Variants in CYP2E1 observed in about 807,000 individuals in gnomAD.
CYP2E1 encodes the protein cytochrome P450 family 2 subfamily E member 1, also known as cytochrome P450 2E1.
In CYP2E1, 31 loss-of-function variants were observed where a neutral mutation model predicts 42.9. The ratio of observed to expected loss-of-function variants is 0.72; its 90% CI spans 0.54 to 0.98. CYP2E1 has a LOEUF of 0.98. Ranked by LOEUF, CYP2E1 falls within the 50% of genes least tolerant of loss-of-function variation. The pLI is 0.00. For missense variants in CYP2E1, 565 were observed against 633.2 expected (o/e 0.89, Z 1.16); for synonymous variants, 244 against 248.9 (o/e 0.98, Z 0.19).
At chr10:133,535,827 G>A (rs1434145460) in intron 6 of CYP2E1, among the ~76,000 whole-genome samples, 1 of 152,160 alleles carries the variant, frequency 6.6e-6, no homozygotes, top group Non-Finnish European at 1.5e-5. Context: ...TTGCTGTGTG[G>A]CTTTGCACTT....
At chr10:133,532,049 C>T in intron 3 of CYP2E1, 75 bp from the exon 4 acceptor site, 4 of 1,422,864 alleles carry the variant, frequency 2.8e-6, no homozygotes, top group South Asian at 1.2e-5. Context: ...CTTGGTGAAC[C>T]TCAGTGGGTG....
Position 133,527,562 on chromosome 10 carries a change from C to A in CYP2E1, c.167C>A (p.Ser56Tyr). ...TTGGAATTGAAGAATATTCCCAAGTCCTTCACCCGGGTAAGAGAAATAGTG... is the reference window on the plus strand; with the variant it reads ...TTGGAATTGAAGAATATTCCCAAGTACTTCACCCGGGTAAGAGAAATAGTG... ...FQLELKNIPK[S>Y]FTRLAQRFGP... The change falls in exon 1 of 9, where the codon TCC becomes TAC. Residue 56 changes from serine to tyrosine, a missense_variant. Ser to Tyr is a moderately radical substitution (Grantham distance 144). Transcript: ENST00000252945. 1 of 1,610,294 alleles carries A rather than the reference C, an allele frequency of 6.2e-7. No individual in the cohort carries two copies. The highest frequency in any genetic ancestry group is 8.5e-7 in the Non-Finnish European group (1 of 1,177,528).
rs76388007 is a variant in CYP2E1, at chr10:133,535,911, A to C, written c.968-1152A>C. Among the ~76,000 whole-genome samples, 192 of 152,334 alleles carry C rather than the reference A, an allele frequency of 1.3e-3. 1 individual carries two copies. Among genetic ancestry groups the C allele is most frequent in the Middle Eastern group, 6.8e-3 (2 of 294 alleles). On this transcript the variant is annotated intron_variant, in intron 6 of 8. Transcript: ENST00000252945. Reference sequence around the variant, plus strand: ...GTTTAATATTTTACCTGGGTACTGTACATAACATTTTGCAGCTTGGTTTTT... The same window carrying C: ...GTTTAATATTTTACCTGGGTACTGTCCATAACATTTTGCAGCTTGGTTTTT...
chr10:133,537,131 G>A lies in CYP2E1; in HGVS notation c.1036G>A (p.Glu346Lys). 6.2e-7 allele frequency: 1 copy of A among 1,614,114 alleles called. No homozygotes were observed. The highest frequency in any genetic ancestry group is 8.5e-7 in the Non-Finnish European group (1 of 1,179,996). Residue 346 changes from glutamate to lysine, a missense_variant, in exon 7 of 9, where the codon GAG becomes AAG. Physicochemically the swap from Glu to Lys is moderately conservative, Grantham distance 56. Transcript: ENST00000252945. ...AATCCCTGCCATCAAGGATAGGCAA[G>A]AGATGCCCTACATGGATGCTGTGGT... ...SRIPAIKDRQ[E>K]MPYMDAVVHE...
At chr10:133,538,718 G>T (rs1851437367) in intron 8 of CYP2E1, 62 bp from the exon 9 acceptor site, 2 of 1,476,906 alleles carry the variant, frequency 1.4e-6, no homozygotes, top group African/African-American at 2.8e-5. Flanking sequence ...TAGTCTCACT[G>T]TTAACAGTGT....
In CYP2E1 at chr10:133,528,568, G is replaced by GCGCT. The variant is rs1381914749; in HGVS notation, c.266_269dup (p.Leu91AlafsTer28). On this transcript the variant is annotated frameshift_variant, in exon 2 of 9. Coordinates refer to ENST00000252945, the MANE Select transcript of CYP2E1 (RefSeq NM_000773.4). LOFTEE classifies it high-confidence loss of function. Reference sequence around the variant, plus strand: ...GCACGGCTACAAGGCGGTGAAGGAAGCGCTGCTGGACTACAAGGACGAGTT... The same window carrying GCGCT: ...GCACGGCTACAAGGCGGTGAAGGAAGCGCTCGCTGCTGGACTACAAGGACGAGTT... 6.2e-7 allele frequency: 1 copy of GCGCT among 1,613,554 alleles called. No homozygotes were observed. The highest frequency in any genetic ancestry group is 2.2e-5 in the East Asian group (1 of 44,844).
chr10:133,527,373 G>C lies in CYP2E1; in HGVS notation c.-23G>C. The C allele has an allele frequency of 6.3e-7, 1 of 1,584,894 alleles. No homozygotes were observed. The highest frequency in any genetic ancestry group is 1.1e-5 in the South Asian group (1 of 89,302). On this transcript the variant is annotated 5_prime_UTR_variant, in exon 1 of 9. Coordinates refer to ENST00000252945, the MANE Select transcript of CYP2E1 (RefSeq NM_000773.4). ...TTTCCACAGGATTGTCTCCCGGGCT[G>C]GCAGCAGGGCCCCAGCGGCACCATG...
At chr10:133,528,667 G>T in intron 2 of CYP2E1, 27 bp downstream of exon 2, 1 of 1,611,342 alleles carries the variant, frequency 6.2e-7, no homozygotes, top group Non-Finnish European at 8.5e-7. Flanking sequence ...GGCACGGAGC[G>T]GGGGGTGCAT....
intron 1 of CYP2E1, chr10:133,528,104 C>T: frequency 4.1e-6 from 1 of 242,362 alleles, no homozygotes. Context: ...GGGCGGGGGT[C>T]GCCTGCTCCA....
In CYP2E1 at chr10:133,528,660, A is replaced by T; in HGVS notation, c.337+20A>T. The T allele has an allele frequency of 6.2e-7, 1 of 1,612,382 alleles. No homozygotes were observed. The highest frequency in any genetic ancestry group is 8.5e-7 in the Non-Finnish European group (1 of 1,179,762). The stretch of plus-strand genomic sequence containing the variant: ...ACAGGGGTGAGTCCGCGTCCCTGGC[A>T]CGGAGCGGGGGGTGCATAACACGCC... On this transcript the variant is annotated intron_variant, in intron 2 of 8. Coordinates refer to ENST00000252945, the MANE Select transcript of CYP2E1 (RefSeq NM_000773.4).
At chr10:133,536,475 G>A in intron 6 of CYP2E1, among the ~76,000 whole-genome samples, 1 of 149,650 alleles carries the variant, frequency 6.7e-6, no homozygotes, top group Middle Eastern at 3.2e-3. Context: ...ATGGATGGAT[G>A]GGTCAATGGA....
chr10:133,534,220 C>T (rs1397550594), intron 6 of CYP2E1, among the ~76,000 whole-genome samples: 1 of 152,272 alleles, frequency 6.6e-6, no homozygotes, highest in African/African-American at 2.4e-5. Flanking sequence ...AAGATAATGT[C>T]CCAGTTCCCC....
At chr10:133,535,565 C>T (rs1851385697) in intron 6 of CYP2E1, among the ~76,000 whole-genome samples, 1 of 152,138 alleles carries the variant, frequency 6.6e-6, no homozygotes, top group South Asian at 2.1e-4. Flanking sequence ...TATAAGAGAA[C>T]TTTCGACTAC....
intron 2 of CYP2E1, among the ~76,000 whole-genome samples, chr10:133,531,024 G>C (rs1391006298): frequency 6.6e-6 from 1 of 152,196 alleles, no homozygotes; most frequent in Non-Finnish European, 1.5e-5. Context: ...GCTCAGAAGG[G>C]TGCAGTAGGG....
chr10:133,527,685 A>G, intron 1 of CYP2E1, 113 bp downstream of exon 1: 1 of 811,004 alleles, frequency 1.2e-6, no homozygotes. Flanking sequence ...GCCTGTTGTG[A>G]ATTACCTGAA....
intron 6 of CYP2E1, among the ~76,000 whole-genome samples, chr10:133,536,461 G>GTGGA (rs1243551841): frequency 4.1e-5 from 6 of 147,610 alleles, no homozygotes; most frequent in Admixed American, 1.4e-4. Context: ...GGATGGGTGG[G>GTGGA]TGGATGGATG....
rs1048442161 is a variant in CYP2E1, at chr10:133,527,635, T to C, written c.177+63T>C. The C allele has an allele frequency of 1.6e-5, 21 of 1,333,450 alleles. No individual in the cohort carries two copies. In the African/African-American group the frequency reaches 1.6e-4, roughly 10 times the overall value. 82.6% of individuals were successfully genotyped at this position (1,333,450 alleles called of 1,614,324 possible). ...AGCAATTGGATCTGGTATGTGTGTATTCAACTCATTTGCAGACAAATTGTG... is the reference window on the plus strand; with the variant it reads ...AGCAATTGGATCTGGTATGTGTGTACTCAACTCATTTGCAGACAAATTGTG... On this transcript the variant is annotated intron_variant, in intron 1 of 8. Transcript: ENST00000252945.
Position 133,532,739 on chromosome 10 carries a change from C to A in CYP2E1, c.696C>A (p.His232Gln). The A allele has an allele frequency of 1.2e-6, 2 of 1,612,336 alleles. No individual in the cohort carries two copies. Among genetic ancestry groups the A allele is most frequent in the African/African-American group, 2.7e-5 (2 of 74,926 alleles). ...PSFLHYLPGS[H>Q]RKVIKNVAEV... ...TTCTACACTACTTGCCTGGAAGCCACAGAAAAGTCATAAAAAATGTGGCTG... is the reference window on the plus strand; with the variant it reads ...TTCTACACTACTTGCCTGGAAGCCAAAGAAAAGTCATAAAAAATGTGGCTG... Residue 232 changes from histidine to glutamine, a missense_variant, in exon 5 of 9, where the codon CAC becomes CAA. By Grantham distance (24) the His-to-Gln change is conservative. Transcript: ENST00000252945.
At chr10:133,529,446 A>T (rs1851311369) in intron 2 of CYP2E1, among the ~76,000 whole-genome samples, 1 of 152,162 alleles carries the variant, frequency 6.6e-6, no homozygotes, top group South Asian at 2.1e-4. Flanking sequence ...TTCAAAGTAG[A>T]TTAGAAATAA....
Sources: allele counts gnomAD v4.1 joint callset (sites outside exome capture counted in the v4.1 genomes callset), GRCh38; gene constraint gnomAD v4.1.1; transcripts MANE v1.5; gene names NCBI Gene and HGNC (gene_info 2026-07-23, HGNC 2026-07-21).